The following MAP3K19 variants were observed in gnomAD, a reference collection of about 807,000 sequenced individuals.
MAP3K19 encodes the protein mitogen-activated protein kinase kinase kinase 19.
A neutral mutation model predicts 114.4 loss-of-function variants in MAP3K19; 91 were observed. That is an observed-to-expected ratio of 0.80 (90% CI 0.67 to 0.95). The LOEUF is 0.95. Among genes scored for constraint, MAP3K19 ranks in the 40% least tolerant of loss-of-function variants. The pLI, the probability that MAP3K19 is intolerant of heterozygous loss-of-function variation, is 0.00. For missense variants in MAP3K19, 1,471 were observed against 1,573.2 expected, an observed-to-expected ratio of 0.94 and a Z score of 1.10; for synonymous variants, 518 against 530.5, an observed-to-expected ratio of 0.98 and a Z score of 0.32.
At chr2:134,993,634 GC>G (rs1331398274) in intron 8 of MAP3K19, among the ~76,000 whole-genome samples, 2 of 152,162 alleles carry the variant, frequency 1.3e-5, no homozygotes, top group Non-Finnish European at 2.9e-5. Context: ...ATAATGGATA[GC>G]ATCCTGAATT....
At chr2:135,014,734 A>G (rs1236962539) in intron 5 of MAP3K19, among the ~76,000 whole-genome samples, 1 of 152,204 alleles carries the variant, frequency 6.6e-6, no homozygotes, top group Non-Finnish European at 1.5e-5. Flanking sequence ...GAATTCTAAC[A>G]CCATAGATTA....
Position 134,981,441 on chromosome 2 carries a change from A to G in MAP3K19, c.3300T>C (p.Ala1100=). 1 of 1,614,240 alleles carries G rather than the reference A, an allele frequency of 6.2e-7. No individual in the cohort carries two copies. Among genetic ancestry groups the G allele is most frequent in the Non-Finnish European group, 8.5e-7 (1 of 1,180,034 alleles). The part of the protein sequence containing the change: ...QVALDTSNKL[A]AEKEYRKLQE... ...GTAGTTTCCGGTATTCCTTTTCAGC[A>G]GCTAATTTATTAGAGGTATCCAAAG... Residue 1100 remains alanine, a synonymous_variant, in exon 12 of 13, where the codon GCT becomes GCC. Coordinates refer to ENST00000392915, the MANE Select transcript of MAP3K19 (RefSeq NM_025052.5).
chr2:135,023,293 C>A, intron 4 of MAP3K19: 1 of 369,894 alleles, frequency 2.7e-6, no homozygotes. Flanking sequence ...TCTCCTCCTC[C>A]TCTCACTTCC....
intron 12 of MAP3K19, among the ~76,000 whole-genome samples, chr2:134,977,402 A>G (rs1031744693): frequency 7.4e-4 from 89 of 119,720 alleles, no homozygotes; most frequent in South Asian, 1.6e-3. Flanking sequence ...TCGCTCTGTC[A>G]CCCAGGCTGG....
intron 5 of MAP3K19, among the ~76,000 whole-genome samples, chr2:135,017,529 A>G (rs1687658573): frequency 6.6e-6 from 1 of 152,114 alleles, no homozygotes; most frequent in African/African-American, 2.4e-5. Context: ...GCCTTCTGTG[A>G]GGGTGGGGAA....
chr2:134,983,374 C>T (rs536198338), intron 11 of MAP3K19: 2 of 592,866 alleles, frequency 3.4e-6, no homozygotes, highest in African/African-American at 3.7e-5. Context: ...CATTGAGTCA[C>T]TATATGTGCC....
chr2:135,043,827 G>T (rs923406409), intron 1 of MAP3K19, among the ~76,000 whole-genome samples: 1 of 152,196 alleles, frequency 6.6e-6, no homozygotes, highest in African/African-American at 2.4e-5. Flanking sequence ...CTCCCAATCA[G>T]TTGCCACATT....
At chr2:134,969,078 G>C (rs554073618) in intron 12 of MAP3K19, among the ~76,000 whole-genome samples, 2 of 152,186 alleles carry the variant, frequency 1.3e-5, no homozygotes, top group African/African-American at 2.4e-5. Flanking sequence ...CTGAGTGAAC[G>C]AGACTCCGTC....
chr2:134,982,113 C>CTTTTTTTTTTT (rs35219224), intron 11 of MAP3K19, among the ~76,000 whole-genome samples: 87 of 76,262 alleles, frequency 1.1e-3, no homozygotes, highest in Non-Finnish European at 1.5e-3. Flanking sequence ...CTTTTTCTTT[C>CTTTTTTTTTTT]TTTTTTTTTT....
At chr2:134,994,243 G>A (rs1685827967) in intron 8 of MAP3K19, among the ~76,000 whole-genome samples, 1 of 152,212 alleles carries the variant, frequency 6.6e-6, no homozygotes, top group African/African-American at 2.4e-5. Context: ...TGATTGAGTT[G>A]TCAGCTTTCT....
intron 11 of MAP3K19, among the ~76,000 whole-genome samples, chr2:134,982,352 CTTTTT>C (rs10707203): frequency 1.0e-5 from 1 of 99,982 alleles, no homozygotes; most frequent in South Asian, 3.2e-4. Context: ...AGATTTTTTT[CTTTTT>C]TTTTTTTTTT....
chr2:135,042,561 T>C (rs1255604721), intron 1 of MAP3K19, among the ~76,000 whole-genome samples: 1 of 149,918 alleles, frequency 6.7e-6, no homozygotes, highest in Non-Finnish European at 1.5e-5. Flanking sequence ...AAGGCATTCG[T>C]GATATCTGGA....
chr2:134,981,281 G>A lies in MAP3K19; in HGVS notation c.3460C>T (p.Arg1154Cys), dbSNP rs749899105. 21 of 1,614,016 alleles carry A rather than the reference G, an allele frequency of 1.3e-5. No homozygotes were observed. In the African/African-American group the frequency reaches 1.3e-4, roughly 10 times the overall value. ...PGGSISSIIN[R>C]FGPLPEMVFC... The stretch of plus-strand genomic sequence containing the variant: ...ACCATCTCAGGCAATGGCCCAAAAC[G>A]GTTTATAATACTAGAGATTGAGCCA... The change falls in exon 12 of 13, where the codon CGT (arginine) becomes TGT (cysteine). Residue 1154 changes from arginine (R) to cysteine (C), a missense_variant. Arg to Cys is a radical substitution (Grantham distance 180, BLOSUM62 -3). Transcript: ENST00000392915.
At chr2:135,023,637 A>G (rs574598873) in intron 4 of MAP3K19, 2 of 473,690 alleles carry the variant, frequency 4.2e-6, no homozygotes, top group African/African-American at 2.0e-5. Flanking sequence ...TCAACATCAC[A>G]TCTCGCAGTT....
intron 2 of MAP3K19, among the ~76,000 whole-genome samples, chr2:135,039,282 A>C (rs943571290): frequency 6.6e-5 from 10 of 152,138 alleles, no homozygotes; most frequent in Non-Finnish European, 1.3e-4. Flanking sequence ...GTCCACTTGC[A>C]TTTAAAGTAC....
At chr2:134,993,813 C>T (rs147951103) in intron 8 of MAP3K19, among the ~76,000 whole-genome samples, 1 of 152,172 alleles carries the variant, frequency 6.6e-6, no homozygotes, top group Non-Finnish European at 1.5e-5. Flanking sequence ...TGTGTAGAGA[C>T]CACTCTGAGC....
Position 135,017,639 on chromosome 2 carries a change from T to G in MAP3K19, c.138+4076A>C, listed in dbSNP as rs531802259. Among the ~76,000 whole-genome samples, 30 of 152,350 alleles carry G rather than the reference T, an allele frequency of 2.0e-4. No homozygotes were observed. In the South Asian group the frequency reaches 6.0e-3, roughly 31 times the overall value. ...CAAACCCTCCTGTTTTTCAACCTCA[T>G]GCTAACTCCCAACGTCTGCAGTACC... is the stretch of plus-strand genomic sequence containing the variant. On this transcript the variant is annotated intron_variant, in intron 5 of 12. Coordinates refer to ENST00000392915, the MANE Select transcript of MAP3K19 (RefSeq NM_025052.5).
chr2:135,023,447 C>G (rs1688116124), intron 4 of MAP3K19: 1 of 533,380 alleles, frequency 1.9e-6, no homozygotes, highest in Non-Finnish European at 3.8e-6. Context: ...TAGAGAACTC[C>G]CAAACTAACC....
rs182185399 is a variant in MAP3K19 at position 134,980,767 on chromosome 2, G to A, written c.3920+54C>T. On this transcript the variant is annotated intron_variant, in intron 12 of 12. Coordinates refer to ENST00000392915, the MANE Select transcript of MAP3K19 (RefSeq NM_025052.5). ...GCCATAAATTGAAAGGGAAATGTCT[G>A]CCACTTGGAATCTCCGGGCATTTAT... 10 of 1,507,190 alleles carry A rather than the reference G, an allele frequency of 6.6e-6. No individual in the cohort carries two copies. The East Asian group carries it at 2.1e-4, about 31-fold the overall frequency. The allele number at this position is 1,507,190 out of a possible 1,614,324, so 93.4% of individuals were successfully genotyped here. A position where few individuals can be genotyped will look rare whatever the true frequency, so the allele number is the denominator to read the frequency against.
Sources: allele counts gnomAD v4.1 joint callset (sites outside exome capture counted in the v4.1 genomes callset), GRCh38; gene constraint gnomAD v4.1.1; transcripts MANE v1.5; gene names NCBI Gene and HGNC (gene_info 2026-07-23, HGNC 2026-07-21).